CALHM6: variants seen among roughly 807,000 people sequenced by gnomAD.
CALHM6 encodes the protein calcium homeostasis modulator protein 6.
Under a neutral mutation model 12.7 loss-of-function variants are expected in CALHM6, and 15 were observed. The observed-to-expected ratio is 1.18, with a 90% confidence interval of 0.79 to 1.82. The LOEUF is 1.82. Among genes scored for constraint, CALHM6 ranks in the 40% most tolerant of loss-of-function variants. The pLI is 0.00. For synonymous variants in CALHM6, 212 were observed against 193.7 expected, an observed-to-expected ratio of 1.09 and a Z score of -0.78; for missense variants, 434 against 421.0, an observed-to-expected ratio of 1.03 and a Z score of -0.27.
At position 116,462,205 on chromosome 6, in the gene CALHM6, G is replaced by A; in HGVS notation, c.276G>A (p.Ala92=). The change falls in exon 2 of 3, where the codon GCG becomes GCA. Residue 92 remains alanine, a synonymous_variant. Transcript: ENST00000368605. ...GCGCCCGCGCGAGTTGCGGATCGGCGCTGCGCGGCTCCCTGGTGTGCACGC... is the reference window on the plus strand; with the variant it reads ...GCGCCCGCGCGAGTTGCGGATCGGCACTGCGCGGCTCCCTGGTGTGCACGC... The part of the protein sequence containing the change: ...CSSARASCGS[A]LRGSLVCTQI... 6.7e-7 allele frequency: 1 copy of A among 1,491,392 alleles called. No homozygotes were observed. 92.4% of individuals were successfully genotyped at this position (1,491,392 alleles called of 1,614,324 possible).
Position 116,463,655 on chromosome 6 carries a change from G to C in CALHM6, c.898G>C (p.Val300Leu), listed in dbSNP as rs562628191. The change falls in exon 3 of 3, where the codon GTT becomes CTT. Residue 300 changes from valine to leucine, a missense_variant. Transcript: ENST00000368605. ...RSTEGDTVIP[V>L]LGFVDSSGIN... Reference sequence around the variant, plus strand: ...TACTGAAGGAGATACGGTGATTCCTGTTCTTGGCTTTGTAGATTCATCTGG... The same window carrying C: ...TACTGAAGGAGATACGGTGATTCCTCTTCTTGGCTTTGTAGATTCATCTGG... 21 of 1,613,394 alleles carry C rather than the reference G, an allele frequency of 1.3e-5. No individual in the cohort carries two copies. The South Asian group carries it at 2.3e-4, about 18-fold the overall frequency.
chr6:116,461,792 TAA>T (rs4031591), intron 1 of CALHM6, 78 bp from the exon 2 acceptor site: 3,056 of 743,280 alleles, frequency 4.1e-3, no homozygotes, highest in South Asian at 0.01. Context: ...CTCTTCCCTT[TAA>T]AAAAAAAAAA....
At chr6:116,461,696 T>C (rs930410358) in intron 1 of CALHM6, among the ~76,000 whole-genome samples, 176 bp from the exon 2 acceptor site, 1 of 149,668 alleles carries the variant, frequency 6.7e-6, no homozygotes, top group Non-Finnish European at 1.5e-5. Flanking sequence ...GTCAAGGTCC[T>C]GGGGGTGTTT....
intron 2 of CALHM6, among the ~76,000 whole-genome samples, chr6:116,462,714 A>T (rs2269567): frequency 0.23 from 34,334 of 152,062 alleles, 4,019 homozygotes; most frequent in East Asian, 0.35. Context: ...ACGCCTACTC[A>T]GTGCCAGATA....
Position 116,463,641 on chromosome 6 carries a change from A to T in CALHM6, c.884A>T (p.Asp295Val). The T allele has an allele frequency of 6.2e-7, 1 of 1,614,106 alleles. No homozygotes were observed. Among genetic ancestry groups the T allele is most frequent in the African/African-American group, 1.3e-5 (1 of 75,048 alleles). The change falls in exon 3 of 3, where the codon GAT (aspartate) becomes GTT (valine). Residue 295 changes from aspartate to valine, a missense_variant. Transcript: ENST00000368605. ...KTHSIRSTEGDTVIPVLGFVD... is the reference protein window; with the variant it reads ...KTHSIRSTEGVTVIPVLGFVD... Reference sequence around the variant, plus strand: ...CACAGTATCAGGTCTACTGAAGGAGATACGGTGATTCCTGTTCTTGGCTTT... The same window carrying T: ...CACAGTATCAGGTCTACTGAAGGAGTTACGGTGATTCCTGTTCTTGGCTTT...
At chr6:116,462,727 G>T (rs1784806459) in intron 2 of CALHM6, among the ~76,000 whole-genome samples, 1 of 152,148 alleles carries the variant, frequency 6.6e-6, no homozygotes, top group Non-Finnish European at 1.5e-5. Flanking sequence ...GCCAGATACT[G>T]CGCTAGGCCC....
chr6:116,461,857 C>T lies in CALHM6; in HGVS notation c.-58-15C>T. 2.9e-6 allele frequency: 4 copies of T among 1,395,806 alleles called. No individual in the cohort carries two copies. Among genetic ancestry groups the T allele is most frequent in the Non-Finnish European group, 2.8e-6 (3 of 1,072,208 alleles). 86.5% of individuals were successfully genotyped at this position (1,395,806 alleles called of 1,614,324 possible). Reference sequence around the variant, plus strand: ...AGCCCCGGTCCCCATCCCACCAAAACCATTTGACAAGCAGGACAACGAAGA... The same window carrying T: ...AGCCCCGGTCCCCATCCCACCAAAATCATTTGACAAGCAGGACAACGAAGA... On this transcript the variant is annotated splice_polypyrimidine_tract_variant and intron_variant, in intron 1 of 2. Transcript: ENST00000368605.
intron 2 of CALHM6, 66 bp from the exon 3 acceptor site, chr6:116,463,217 G>A: frequency 2.0e-6 from 3 of 1,467,564 alleles, no homozygotes; most frequent in Non-Finnish European, 2.8e-6. Flanking sequence ...AACTTTATCT[G>A]AGGATTTTTA....
chr6:116,462,550 G>A (rs1201611706), intron 2 of CALHM6, 96 bp downstream of exon 2: 3 of 787,746 alleles, frequency 3.8e-6, no homozygotes, highest in Non-Finnish European at 5.8e-6. Context: ...CTTTTCTCCA[G>A]ATATACAGTA....
intron 2 of CALHM6, among the ~76,000 whole-genome samples, chr6:116,462,705 C>T (rs574934221): frequency 6.6e-6 from 1 of 152,178 alleles, no homozygotes; most frequent in East Asian, 1.9e-4. Flanking sequence ...AGAGTGGGCA[C>T]GCCTACTCAG....
In CALHM6 at chr6:116,463,462, G is replaced by C; in HGVS notation, c.705G>C (p.Glu235Asp). The change falls in exon 3 of 3, where the codon GAG (glutamate) becomes GAC (aspartate). Residue 235 changes from glutamate to aspartate, a missense_variant. Physicochemically the swap from Glu to Asp is conservative, Grantham distance 45. Coordinates refer to ENST00000368605, the MANE Select transcript of CALHM6 (RefSeq NM_001010919.3). ...ATEHATELAK[E>D]NIKCFFEGSH... ...AGCATGCAACTGAATTGGCAAAAGAGAATATTAAATGTTTCTTTGAGGGCT... is the reference window on the plus strand; with the variant it reads ...AGCATGCAACTGAATTGGCAAAAGACAATATTAAATGTTTCTTTGAGGGCT... 6.2e-7 allele frequency: 1 copy of C among 1,614,118 alleles called. No individual in the cohort carries two copies. Among genetic ancestry groups the C allele is most frequent in the South Asian group, 1.1e-5 (1 of 91,082 alleles).
intron 1 of CALHM6, 61 bp downstream of exon 1, chr6:116,461,490 G>T: frequency 1.4e-6 from 2 of 1,478,432 alleles, no homozygotes; most frequent in African/African-American, 1.4e-5. Context: ...AGTAACTAGG[G>T]TGGCTGCAAT....
chr6:116,462,506 C>T (rs1198422057), intron 2 of CALHM6, 52 bp downstream of exon 2: 2 of 1,342,500 alleles, frequency 1.5e-6, no homozygotes, highest in African/African-American at 3.1e-5. Flanking sequence ...GCCGAGCTTT[C>T]TCAGGGCCGC....
Position 116,461,538 on chromosome 6 carries a change from C to T in CALHM6, c.-59+109C>T, listed in dbSNP as rs1034941248. The stretch of plus-strand genomic sequence containing the variant: ...GGTATTTCCCAGTTTTTCCAACTGG[C>T]GGCCGTGGGTCAAGAAGGTTAGTTT... On this transcript the variant is annotated intron_variant, in intron 1 of 2. Coordinates refer to ENST00000368605, the MANE Select transcript of CALHM6 (RefSeq NM_001010919.3). 4 of 1,061,430 alleles carry T rather than the reference C, an allele frequency of 3.8e-6. No homozygotes were observed. The Admixed American group carries it at 6.0e-5, about 16-fold the overall frequency. 65.8% of individuals were successfully genotyped at this position (1,061,430 alleles called of 1,614,324 possible).
intron 2 of CALHM6, among the ~76,000 whole-genome samples, chr6:116,462,911 A>G (rs985429892): frequency 6.6e-6 from 1 of 152,244 alleles, no homozygotes; most frequent in Non-Finnish European, 1.5e-5. Context: ...AAAGGGGTCT[A>G]TAGAATAAAA....
rs1784789450 is a variant in CALHM6 at position 116,462,218 on chromosome 6, C to A, written c.289C>A (p.Leu97Met). ...TTGCGGATCGGCGCTGCGCGGCTCC[C>A]TGGTGTGCACGCAAATCAGCGCGGC... ...ASCGSALRGSLVCTQISAAAA... is the reference protein window; with the variant it reads ...ASCGSALRGSMVCTQISAAAA... Residue 97 changes from leucine to methionine, a missense_variant, in exon 2 of 3, where the codon CTG becomes ATG. Coordinates refer to ENST00000368605, the MANE Select transcript of CALHM6 (RefSeq NM_001010919.3). The A allele has an allele frequency of 4.2e-6, 6 of 1,434,654 alleles. No individual in the cohort carries two copies. Among genetic ancestry groups the A allele is most frequent in the Middle Eastern group, 2.4e-4 (1 of 4,144 alleles). 88.9% of individuals were successfully genotyped at this position (1,434,654 alleles called of 1,614,324 possible).
In CALHM6 at chr6:116,462,408, C is replaced by A. The variant is rs1784797285; in HGVS notation, c.479C>A (p.Ala160Glu). The A allele has an allele frequency of 2.0e-6, 3 of 1,493,228 alleles. No homozygotes were observed. The African/African-American group carries it at 4.4e-5, about 22-fold the overall frequency. The allele number at this position is 1,493,228 out of a possible 1,614,324, so 92.5% of individuals were successfully genotyped here. A position where few individuals can be genotyped will look rare whatever the true frequency, so the allele number is the denominator to read the frequency against. ...CTGGTGCCGTGCAACCAGGCCAAGG[C>A]GTCGGACGTGCAGGACCTCCTGAAG... ...LPLVPCNQAK[A>E]SDVQDLLKDL... is the part of the protein sequence containing the mutation. Residue 160 changes from alanine to glutamate, a missense_variant, in exon 2 of 3, where the codon GCG (alanine) becomes GAG (glutamate). Coordinates refer to ENST00000368605, the MANE Select transcript of CALHM6 (RefSeq NM_001010919.3).
rs1784778568 is a variant in CALHM6 at position 116,461,957 on chromosome 6, C to G, written c.28C>G (p.Leu10Val). 1.3e-6 allele frequency: 2 copies of G among 1,541,088 alleles called. No individual in the cohort carries two copies. Among genetic ancestry groups the G allele is most frequent in the Non-Finnish European group, 1.8e-6 (2 of 1,140,948 alleles). MEKFRAVLD[L>V]HVKHHSALGY... ...GGAGAAGTTTCGGGCGGTGCTGGACCTGCACGTCAAGCACCACAGCGCCTT... is the reference window on the plus strand; with the variant it reads ...GGAGAAGTTTCGGGCGGTGCTGGACGTGCACGTCAAGCACCACAGCGCCTT... Residue 10 changes from leucine to valine, a missense_variant, in exon 2 of 3, where the codon CTG (leucine) becomes GTG (valine). By Grantham distance (32) the Leu-to-Val change is conservative (BLOSUM62 1). Transcript: ENST00000368605.
chr6:116,461,792 TA>T (rs4031591), intron 1 of CALHM6, 79 bp from the exon 2 acceptor site: 31,795 of 741,590 alleles, frequency 0.043, 1 homozygote, highest in South Asian at 0.072. Flanking sequence ...CTCTTCCCTT[TA>T]AAAAAAAAAA....
Sources: gnomAD v4.1 joint callset for allele counts (sites outside exome capture counted in the v4.1 genomes callset) on GRCh38, gnomAD v4.1.1 for gene constraint, MANE v1.5 for transcripts, NCBI Gene and HGNC (gene_info 2026-07-23, HGNC 2026-07-21) for gene names.